The following FHIT variants were observed in gnomAD, a reference collection of about 807,000 sequenced individuals.
FHIT encodes fragile histidine triad diadenosine triphosphatase, also known as bis(5'-adenosyl)-triphosphatase.
Under a neutral mutation model 17.9 loss-of-function variants are expected in FHIT, and 19 were observed. The ratio of observed to expected loss-of-function variants is 1.06; its 90% CI spans 0.74 to 1.56. The LOEUF is 1.56. FHIT is among the 40% of genes most tolerant of loss of function. The pLI is 0.00. For missense variants in FHIT, 248 were observed against 189.2 expected (o/e 1.31, Z -1.82); for synonymous variants, 81 against 69.7 (o/e 1.16, Z -0.81).
intron 5 of FHIT, among the ~76,000 whole-genome samples, chr3:60,474,607 T>C (rs1313432089): frequency 6.6e-6 from 1 of 152,086 alleles, no homozygotes; most frequent in Non-Finnish European, 1.5e-5. Context: ...CACAAATGTA[T>C]TATTTTCAAC....
chr3:60,817,034 T>C (rs1186905930), intron 4 of FHIT, among the ~76,000 whole-genome samples: 2 of 152,018 alleles, frequency 1.3e-5, no homozygotes, highest in African/African-American at 2.4e-5. Flanking sequence ...CTTTGGATTT[T>C]CAGTGGTTTT....
chr3:61,039,815 C>T (rs543805868), intron 3 of FHIT, among the ~76,000 whole-genome samples: 1 of 152,224 alleles, frequency 6.6e-6, no homozygotes, highest in African/African-American at 2.4e-5. Flanking sequence ...CAAACCTGCA[C>T]ATTCTGCACA....
intron 8 of FHIT, among the ~76,000 whole-genome samples, chr3:59,895,600 A>G (rs1201391313): frequency 6.6e-6 from 1 of 152,156 alleles, no homozygotes; most frequent in Non-Finnish European, 1.5e-5. Flanking sequence ...AGAACCTAAC[A>G]ATAAGTTACG....
chr3:60,919,251 G>C (rs1553767721), intron 3 of FHIT, among the ~76,000 whole-genome samples: 1 of 152,078 alleles, frequency 6.6e-6, no homozygotes, highest in East Asian at 1.9e-4. Flanking sequence ...TTTGAGTGTG[G>C]CATGCTTCTT....
intron 5 of FHIT, among the ~76,000 whole-genome samples, chr3:60,483,514 G>A (rs2033707266): frequency 6.6e-6 from 1 of 152,098 alleles, no homozygotes; most frequent in African/African-American, 2.4e-5. Context: ...GGATTCAATG[G>A]TGGTTCAACA....
chr3:60,160,687 T>C (rs1700900734), intron 5 of FHIT, among the ~76,000 whole-genome samples: 1 of 152,178 alleles, frequency 6.6e-6, no homozygotes, highest in Admixed American at 6.5e-5. Context: ...CCAGCTGTTG[T>C]AATGTCAAGC....
chr3:60,698,917 T>C (rs2041176162), intron 4 of FHIT, among the ~76,000 whole-genome samples: 1 of 152,184 alleles, frequency 6.6e-6, no homozygotes, highest in Admixed American at 6.6e-5. Flanking sequence ...AAACTGACTT[T>C]TAACAGTCTG....
chr3:60,675,443 G>A (rs782772509), intron 4 of FHIT, among the ~76,000 whole-genome samples: 3 of 152,202 alleles, frequency 2.0e-5, no homozygotes, highest in Non-Finnish European at 2.9e-5. Context: ...AGAAGCCAGA[G>A]AAGGAGAAAG....
At position 61,230,166 on chromosome 3, in the gene FHIT, G is replaced by A. The variant is rs146270429; in HGVS notation, c.-213+21135C>T. ...GACTTGGATCAATGAGATAGTTTGG[G>A]TATTTGTCCCCCCAAATCTCATGTT... On this transcript the variant is annotated intron_variant, in intron 1 of 9. Transcript: ENST00000492590. Among the ~76,000 whole-genome samples the A allele has an allele frequency of 3.5e-4, 54 of 152,304 alleles. 1 individual carries two copies. In the East Asian group the frequency reaches 9.7e-3, roughly 27 times the overall value.
chr3:60,551,462 A>G (rs1189410856), intron 4 of FHIT, among the ~76,000 whole-genome samples: 1 of 54,392 alleles, frequency 1.8e-5, no homozygotes, highest in Non-Finnish European at 3.5e-5. Context: ...GAAAGAAAGA[A>G]AGAGAGAAAC....
chr3:60,377,839 G>A (rs552723094), intron 5 of FHIT, among the ~76,000 whole-genome samples: 1 of 152,276 alleles, frequency 6.6e-6, no homozygotes, highest in South Asian at 2.1e-4. Context: ...ATCCTGAAAT[G>A]CATCTGATTG....
chr3:61,154,538 C>T (rs1288549132), intron 2 of FHIT, among the ~76,000 whole-genome samples: 6 of 151,964 alleles, frequency 3.9e-5, no homozygotes, highest in Admixed American at 1.3e-4. Flanking sequence ...CATTTGCTAC[C>T]CCCTAAAATA....
At chr3:59,772,751 T>G (rs2106839349) in intron 8 of FHIT, among the ~76,000 whole-genome samples, 1 of 152,280 alleles carries the variant, frequency 6.6e-6, no homozygotes, top group South Asian at 2.1e-4. Context: ...TTGCAGGGCT[T>G]TAGATTTAGA....
intron 4 of FHIT, among the ~76,000 whole-genome samples, chr3:60,616,483 T>G (rs141686230): frequency 1.3e-4 from 20 of 152,304 alleles, no homozygotes; most frequent in African/African-American, 4.8e-4. Flanking sequence ...TAAGCAATCA[T>G]AGCAAGCTTG....
chr3:60,859,623 A>G (rs1479544566), intron 3 of FHIT, among the ~76,000 whole-genome samples: 2 of 150,832 alleles, frequency 1.3e-5, no homozygotes, highest in African/African-American at 2.4e-5. Context: ...GCTACTTGTT[A>G]AAGAATTTAG....
intron 3 of FHIT, among the ~76,000 whole-genome samples, chr3:61,014,651 G>C (rs1347507180): frequency 6.7e-6 from 1 of 150,354 alleles, no homozygotes; most frequent in East Asian, 2.0e-4. Context: ...GTGGTGGTGG[G>C]CACCTGTAGT....
intron 2 of FHIT, among the ~76,000 whole-genome samples, chr3:61,106,033 T>C (rs1422598377): frequency 6.6e-6 from 1 of 152,180 alleles, no homozygotes; most frequent in African/African-American, 2.4e-5. Context: ...TGTTTTCTTT[T>C]CAGCTTTGGA....
intron 5 of FHIT, among the ~76,000 whole-genome samples, chr3:60,278,647 A>G (rs1035655309): frequency 1.3e-5 from 2 of 152,108 alleles, no homozygotes; most frequent in African/African-American, 4.8e-5. Context: ...ACACAGAAGC[A>G]TCTGGAACTT....
intron 4 of FHIT, among the ~76,000 whole-genome samples, chr3:60,684,049 G>C (rs1364421144): frequency 1.3e-5 from 2 of 152,136 alleles, no homozygotes; most frequent in Non-Finnish European, 2.9e-5. Context: ...CTGAGATTCA[G>C]AGAGGTCAGT....
Sources: allele counts gnomAD v4.1 joint callset (sites outside exome capture counted in the v4.1 genomes callset), GRCh38; gene constraint gnomAD v4.1.1; transcripts MANE v1.5; gene names NCBI Gene and HGNC (gene_info 2026-07-23, HGNC 2026-07-21).